Variants in COLEC10 observed in about 807,000 individuals in gnomAD.
COLEC10 encodes collectin-10.
Under a neutral mutation model 28.4 loss-of-function variants are expected in COLEC10, and 22 were observed. The ratio of observed to expected loss-of-function variants is 0.78; its 90% CI spans 0.55 to 1.11. COLEC10 has a LOEUF of 1.11. Ranked by LOEUF, COLEC10 falls within the 50% of genes least tolerant of loss-of-function variation. The pLI is 0.00. For synonymous variants in COLEC10, 125 were observed against 116.1 expected, an observed-to-expected ratio of 1.08 and a Z score of -0.49; for missense variants, 361 against 344.1, an observed-to-expected ratio of 1.05 and a Z score of -0.39.
At chr8:119,001,481 C>A (rs1234168599) in intron 1 of COLEC10, among the ~76,000 whole-genome samples, 2 of 152,006 alleles carry the variant, frequency 1.3e-5, no homozygotes. Flanking sequence ...GGGAGGGGAG[C>A]CAGTAGTGAT....
intron 2 of COLEC10, among the ~76,000 whole-genome samples, chr8:119,053,597 G>C (rs928371681): frequency 1.3e-5 from 2 of 151,256 alleles, no homozygotes; most frequent in Non-Finnish European, 2.9e-5. Context: ...CATGAAGTCA[G>C]TTACTAAACT....
At chr8:119,089,802 A>C (rs1400887760) in intron 2 of COLEC10, 51 bp downstream of exon 2, 3 of 1,467,996 alleles carry the variant, frequency 2.0e-6, no homozygotes, top group Non-Finnish European at 2.9e-6. Flanking sequence ...TTGTTCTTCT[A>C]TCTCTCCTGG....
chr8:119,034,978 A>G (rs989801285), intron 2 of COLEC10, among the ~76,000 whole-genome samples: 1 of 152,172 alleles, frequency 6.6e-6, no homozygotes, highest in African/African-American at 2.4e-5. Flanking sequence ...AAAAATAGCA[A>G]AGACGAGTAT....
At chr8:119,008,556 C>T (rs1813848347) in intron 1 of COLEC10, among the ~76,000 whole-genome samples, 1 of 149,916 alleles carries the variant, frequency 6.7e-6, no homozygotes, top group Non-Finnish European at 1.5e-5. Flanking sequence ...CGCATCTCTT[C>T]AGGGAGATGC....
chr8:119,084,041 T>C (rs1459601584), intron 1 of COLEC10, among the ~76,000 whole-genome samples: 1 of 152,192 alleles, frequency 6.6e-6, no homozygotes, highest in Non-Finnish European at 1.5e-5. Context: ...TCAAAATCCA[T>C]GCTTGCTTGC....
chr8:118,995,963 A>C (rs1335185675), intron 1 of COLEC10, among the ~76,000 whole-genome samples: 1 of 152,126 alleles, frequency 6.6e-6, no homozygotes, highest in East Asian at 1.9e-4. Context: ...GACTGCAGGT[A>C]CAATGTTGCA....
chr8:119,091,927 T>C (rs1815612410), intron 3 of COLEC10, among the ~76,000 whole-genome samples: 1 of 152,124 alleles, frequency 6.6e-6, no homozygotes, highest in Non-Finnish European at 1.5e-5. Context: ...ATTAATAAAA[T>C]ACAAAATAGG....
At chr8:119,032,151 C>G (rs1814300057) in intron 2 of COLEC10, among the ~76,000 whole-genome samples, 2 of 152,158 alleles carry the variant, frequency 1.3e-5, no homozygotes, top group Non-Finnish European at 2.9e-5. Flanking sequence ...ATCCGTGAAT[C>G]TGGTTTACAG....
rs1815976773 is a variant in COLEC10 at position 119,107,674 on chromosome 8, C to T, written c.*1483C>T. Among the ~76,000 whole-genome samples the T allele has an allele frequency of 6.6e-6, 1 of 152,164 alleles. No individual in the cohort carries two copies. Among genetic ancestry groups the T allele is most frequent in the Non-Finnish European group, 1.5e-5 (1 of 68,042 alleles). On this transcript the variant is annotated 3_prime_UTR_variant, in exon 6 of 6. Transcript: ENST00000332843. ...GATCCTACAGGGGCCAGGCAGATGA[C>T]TTACCTAAATGAAGTGGAACACGTG...
At chr8:119,099,950 G>A (rs1388542137) in intron 3 of COLEC10, among the ~76,000 whole-genome samples, 1 of 152,042 alleles carries the variant, frequency 6.6e-6, no homozygotes, top group Non-Finnish European at 1.5e-5. Context: ...TTAAAGCTTA[G>A]CCCAGAACTA....
At chr8:118,989,061 C>T in the COLEC10 span, among the ~76,000 whole-genome samples, 1 of 151,984 alleles carries the variant, frequency 6.6e-6, no homozygotes, top group South Asian at 2.1e-4. Context: ...AATTATCAGG[C>T]AAATGATTTA....
At chr8:119,078,930 C>T (rs1248690642) in intron 1 of COLEC10, among the ~76,000 whole-genome samples, 1 of 151,312 alleles carries the variant, frequency 6.6e-6, no homozygotes, top group Non-Finnish European at 1.5e-5. Flanking sequence ...TTGTATGTTA[C>T]ATATACAGAG....
the COLEC10 span, among the ~76,000 whole-genome samples, chr8:118,973,682 G>A: frequency 1.3e-5 from 2 of 151,940 alleles, no homozygotes; most frequent in East Asian, 3.9e-4. Flanking sequence ...ACTCTCAAGT[G>A]GAAGGCATTA....
At chr8:119,019,041 C>T (rs537608751) in intron 2 of COLEC10, among the ~76,000 whole-genome samples, 20 of 152,224 alleles carry the variant, frequency 1.3e-4, no homozygotes, top group African/African-American at 4.8e-4. Flanking sequence ...TACTATCTTC[C>T]CCTTCTGCAG....
chr8:118,998,065 T>C (rs141649275), intron 1 of COLEC10, among the ~76,000 whole-genome samples: 2 of 152,282 alleles, frequency 1.3e-5, no homozygotes, highest in African/African-American at 2.4e-5. Context: ...CAAATTAAAG[T>C]GATGTGATTT....
intron 1 of COLEC10, among the ~76,000 whole-genome samples, chr8:119,088,960 TC>T (rs950189802): frequency 2.9e-4 from 11 of 37,856 alleles, no homozygotes; most frequent in African/African-American, 1.6e-3. Context: ...AGTTCTGTAC[TC>T]AAATTTCTCC....
At chr8:119,030,629 AG>A (rs1380659150) in intron 2 of COLEC10, among the ~76,000 whole-genome samples, 3 of 152,210 alleles carry the variant, frequency 2.0e-5, no homozygotes, top group Non-Finnish European at 2.9e-5. Context: ...ACTAAGATGG[AG>A]GTCATAACAG....
chr8:119,026,661 G>A (rs1814197663), intron 2 of COLEC10, among the ~76,000 whole-genome samples: 1 of 152,188 alleles, frequency 6.6e-6, no homozygotes, highest in South Asian at 2.1e-4. Flanking sequence ...GGAATAGTTT[G>A]TAGGATGTTT....
the COLEC10 span, among the ~76,000 whole-genome samples, chr8:118,986,640 G>A: frequency 6.6e-6 from 1 of 152,092 alleles, no homozygotes; most frequent in Non-Finnish European, 1.5e-5. Flanking sequence ...CAACTCAAAT[G>A]TCCATAAACA....
Sources: allele counts gnomAD v4.1 joint callset (sites outside exome capture counted in the v4.1 genomes callset), GRCh38; gene constraint gnomAD v4.1.1; transcripts MANE v1.5; gene names NCBI Gene and HGNC (gene_info 2026-07-23, HGNC 2026-07-21).